Variants in MEGF11 observed in about 807,000 individuals in gnomAD.
The protein encoded by MEGF11 is multiple EGF like domains 11.
In MEGF11, 126 loss-of-function variants were observed where a neutral mutation model predicts 146.6. That is an observed-to-expected ratio of 0.86 (90% CI 0.74 to 1.00). The LOEUF is 1.00. Among genes scored for constraint, MEGF11 ranks in the 50% least tolerant of loss-of-function variants. The probability of loss-of-function intolerance (pLI) is 0.00; values close to 1 mark genes in which losing one functional copy is unlikely to be tolerated. For synonymous variants in MEGF11, 532 were observed against 583.4 expected (o/e 0.91, Z 1.27); for missense variants, 1,509 against 1,521.2 (o/e 0.99, Z 0.13).
At chr15:66,117,941 G>A (rs185326001) in intron 4 of MEGF11, among the ~76,000 whole-genome samples, 13 of 152,270 alleles carry the variant, frequency 8.5e-5, no homozygotes, top group Non-Finnish European at 1.5e-4. Context: ...AGTTTCTCCA[G>A]CATTGGGGGA....
chr15:66,075,415 G>A (rs967974912), intron 5 of MEGF11, among the ~76,000 whole-genome samples: 1 of 152,216 alleles, frequency 6.6e-6, no homozygotes, highest in African/African-American at 2.4e-5. Context: ...AAGAGCACTG[G>A]CTTTATGGAA....
intron 5 of MEGF11, among the ~76,000 whole-genome samples, chr15:66,033,510 G>C (rs941580799): frequency 6.6e-6 from 1 of 152,238 alleles, no homozygotes; most frequent in African/African-American, 2.4e-5. Context: ...AAGCCTTGGT[G>C]GCGTCCATGT....
At chr15:66,084,942 C>A (rs2086040661) in intron 5 of MEGF11, among the ~76,000 whole-genome samples, 1 of 152,174 alleles carries the variant, frequency 6.6e-6, no homozygotes, top group African/African-American at 2.4e-5. Flanking sequence ...GAAACAGACT[C>A]CGGGCTGTTG....
At chr15:66,121,417 T>C (rs909024969) in intron 3 of MEGF11, among the ~76,000 whole-genome samples, 2 of 152,224 alleles carry the variant, frequency 1.3e-5, no homozygotes, top group African/African-American at 2.4e-5. Context: ...GTTGCTCCTA[T>C]TGGACCACCT....
chr15:66,046,340 A>G (rs774456778), intron 5 of MEGF11, among the ~76,000 whole-genome samples: 1 of 152,192 alleles, frequency 6.6e-6, no homozygotes, highest in Non-Finnish European at 1.5e-5. Context: ...TATCCCACAT[A>G]GCCTTTGAGA....
intron 1 of MEGF11, among the ~76,000 whole-genome samples, chr15:66,247,374 C>T (rs1324605876): frequency 6.6e-6 from 1 of 152,156 alleles, no homozygotes; most frequent in South Asian, 2.1e-4. Context: ...AATTATGGTG[C>T]TAATTCAGAT....
At chr15:66,041,854 A>AG in intron 5 of MEGF11, among the ~76,000 whole-genome samples, 1 of 152,278 alleles carries the variant, frequency 6.6e-6, no homozygotes, top group Non-Finnish European at 1.5e-5. Flanking sequence ...AGAGTAGCTA[A>AG]GTTACGTGCT....
chr15:65,980,801 A>G lies in MEGF11; in HGVS notation c.739T>C (p.Cys247Arg). The G allele has an allele frequency of 6.2e-7, 1 of 1,606,984 alleles. No homozygotes were observed. Among genetic ancestry groups the G allele is most frequent in the Middle Eastern group, 1.7e-4 (1 of 6,026 alleles). Reference sequence around the variant, plus strand: ...ACCGTCCAGCCTGGGGGGCAGGCACACTCGCCAGTGATGTGGTGGCAGGTG... The same window carrying G: ...ACCGTCCAGCCTGGGGGGCAGGCACGCTCGCCAGTGATGTGGTGGCAGGTG... The part of the protein sequence containing the change: ...GGTCHHITGE[C>R]ACPPGWTGAV... The change falls in exon 7 of 26, where the codon TGT becomes CGT. Residue 247 changes from cysteine (C) to arginine (R), a missense_variant. Physicochemically the swap from Cys to Arg is radical, Grantham distance 180 (BLOSUM62 -3). Transcript: ENST00000395614.
At chr15:65,993,030 A>T (rs2082101994) in intron 5 of MEGF11, among the ~76,000 whole-genome samples, 1 of 152,176 alleles carries the variant, frequency 6.6e-6, no homozygotes, top group Non-Finnish European at 1.5e-5. Context: ...GGAGAGGAGC[A>T]AGACTCCCGG....
intron 5 of MEGF11, among the ~76,000 whole-genome samples, chr15:66,028,095 G>GT (rs1474832123): frequency 6.6e-6 from 1 of 152,166 alleles, no homozygotes; most frequent in Non-Finnish European, 1.5e-5. Context: ...CTTTTACTGG[G>GT]TGCAGTAAGA....
At chr15:66,080,148 A>G (rs1259764805) in intron 5 of MEGF11, among the ~76,000 whole-genome samples, 2 of 152,130 alleles carry the variant, frequency 1.3e-5, no homozygotes, top group Non-Finnish European at 2.9e-5. Flanking sequence ...TGCGGCCCAC[A>G]GCCCCCCAGG....
intron 5 of MEGF11, among the ~76,000 whole-genome samples, chr15:66,009,201 C>G (rs924628861): frequency 2.7e-5 from 4 of 149,092 alleles, no homozygotes; most frequent in Admixed American, 2.7e-4. Context: ...CAGAAGGAGG[C>G]TTGTGGTAAT....
chr15:66,173,710 G>A (rs2090321827), intron 1 of MEGF11, among the ~76,000 whole-genome samples: 1 of 152,082 alleles, frequency 6.6e-6, no homozygotes, highest in South Asian at 2.1e-4. Flanking sequence ...CCCTCCCCAG[G>A]AAGGAGACCA....
intron 4 of MEGF11, among the ~76,000 whole-genome samples, chr15:66,105,251 AAGG>A (rs1429598536): frequency 6.6e-6 from 1 of 152,182 alleles, no homozygotes; most frequent in Non-Finnish European, 1.5e-5. Context: ...GTCCAGATAG[AAGG>A]AGGAGGCCCA....
intron 5 of MEGF11, among the ~76,000 whole-genome samples, chr15:66,000,507 G>A (rs1217915320): frequency 6.6e-6 from 1 of 151,952 alleles, no homozygotes; most frequent in African/African-American, 2.4e-5. Flanking sequence ...AGTCCAGCCT[G>A]GGTGACAGAG....
intron 5 of MEGF11, among the ~76,000 whole-genome samples, chr15:66,065,466 T>C (rs1264415711): frequency 3.9e-5 from 6 of 152,174 alleles, no homozygotes; most frequent in African/African-American, 7.2e-5. Flanking sequence ...GAGGGTCCAC[T>C]GCACTGGGGT....
chr15:66,156,110 A>G (rs2089748048), intron 1 of MEGF11, among the ~76,000 whole-genome samples: 1 of 152,118 alleles, frequency 6.6e-6, no homozygotes, highest in African/African-American at 2.4e-5. Flanking sequence ...CCCTCAGCCA[A>G]TGTGGCCTGG....
intron 7 of MEGF11, among the ~76,000 whole-genome samples, chr15:65,976,996 C>T (rs1326524506): frequency 6.6e-6 from 1 of 151,816 alleles, no homozygotes; most frequent in Admixed American, 6.6e-5. Flanking sequence ...GGTGAAACCC[C>T]GTCTCTACTG....
chr15:65,983,140 T>C (rs987044261), intron 5 of MEGF11, among the ~76,000 whole-genome samples: 2 of 152,180 alleles, frequency 1.3e-5, no homozygotes, highest in Admixed American at 6.6e-5. Flanking sequence ...CTTTCAGTAA[T>C]GCCTACGCCC....
Sources: gnomAD v4.1 joint callset for allele counts (sites outside exome capture counted in the v4.1 genomes callset) on GRCh38, gnomAD v4.1.1 for gene constraint, MANE v1.5 for transcripts, NCBI Gene and HGNC (gene_info 2026-07-23, HGNC 2026-07-21) for gene names.